Variants in SFXN4 observed in about 807,000 individuals in gnomAD.
SFXN4 encodes the protein sideroflexin 4.
SFXN4 carries 48 observed loss-of-function variants against 54.6 expected under a neutral mutation model. The observed-to-expected ratio is 0.88, with a 90% confidence interval of 0.70 to 1.12. The LOEUF is 1.12. SFXN4 is among the 50% of genes most tolerant of loss of function. The pLI, the probability that SFXN4 is intolerant of heterozygous loss-of-function variation, is 0.00. For missense variants in SFXN4, 383 were observed against 409.2 expected (o/e 0.94, Z 0.55); for synonymous variants, 130 against 145.5 (o/e 0.89, Z 0.77).
At position 119,146,428 on chromosome 10, in the gene SFXN4, C is replaced by CGTGTGTGTGT. The variant is rs56031432; in HGVS notation, c.819-85_819-76dup. ...TATTTTCTGAACAGCTGAATCAGGG[C>CGTGTGTGTGT]GTGTGTGTGTGTGTGTGTGTGTGTG... On this transcript the variant is annotated intron_variant, in intron 12 of 13. Transcript: ENST00000355697. 112 of 559,674 alleles carry CGTGTGTGTGT rather than the reference C, an allele frequency of 2.0e-4. 2 individuals carry two copies. In the African/African-American group the frequency reaches 2.0e-3, roughly 10 times the overall value. 34.7% of individuals were successfully genotyped at this position (559,674 alleles called of 1,614,324 possible). A position where few individuals can be genotyped will look rare whatever the true frequency, so the allele number is the denominator to read the frequency against.
At chr10:119,159,864 G>T in intron 5 of SFXN4, 111 bp from the exon 6 acceptor site, 1 of 1,101,312 alleles carries the variant, frequency 9.1e-7, no homozygotes, top group Non-Finnish European at 1.4e-6. Context: ...AGAAGGCACA[G>T]ACCTCAAAGG....
intron 11 of SFXN4, 28 bp downstream of exon 11, chr10:119,155,023 CCAAAAGGCAAG>C: frequency 6.9e-7 from 1 of 1,446,068 alleles, no homozygotes; most frequent in Non-Finnish European, 9.7e-7. Flanking sequence ...TAGTCGTTGC[CCAAAAGGCAAG>C]CAGCTATAGC....
Position 119,146,464 on chromosome 10 carries a change from C to CGCGCGCGCGCGCGCGCGCGT in SFXN4, c.819-112_819-111insACGCGCGCGCGCGCGCGCGC, listed in dbSNP as rs1554885843. ...GTGTGTGTGTGTGTGTGTGTGTGCA[C>CGCGCGCGCGCGCGCGCGCGT]GTGTGTGTGTACCTGAACACCTGGA... is the stretch of plus-strand genomic sequence containing the variant. On this transcript the variant is annotated intron_variant, in intron 12 of 13. Coordinates refer to ENST00000355697, the MANE Select transcript of SFXN4 (RefSeq NM_213649.2). 2.0e-5 allele frequency: 10 copies of CGCGCGCGCGCGCGCGCGCGT among 488,454 alleles called. No individual in the cohort carries two copies. The Admixed American group carries it at 3.2e-4, about 15-fold the overall frequency. The allele number at this position is 488,454 out of a possible 1,614,324, so 30.3% of individuals were successfully genotyped here.
intron 2 of SFXN4, 82 bp downstream of exon 2, chr10:119,164,040 CAAAAAAAAA>C (rs368539311): frequency 6.8e-5 from 21 of 309,804 alleles, no homozygotes; most frequent in African/African-American, 1.8e-4. Flanking sequence ...AACTCCGTCT[CAAAAAAAAA>C]AAAAAAAAAA....
intron 11 of SFXN4, among the ~76,000 whole-genome samples, chr10:119,154,177 C>CAAA (rs575293435): frequency 1.0e-5 from 1 of 98,704 alleles, no homozygotes. Context: ...GACTCCGTCT[C>CAAA]AAAAAAAAAA....
At chr10:119,155,257 G>GC in intron 10 of SFXN4, 80 bp from the exon 11 acceptor site, 2 of 973,300 alleles carry the variant, frequency 2.1e-6, no homozygotes, top group Non-Finnish European at 3.3e-6. Context: ...TTGGGTGTCT[G>GC]CCCCCTGCAA....
chr10:119,142,222 A>C (rs1396266448), intron 13 of SFXN4, among the ~76,000 whole-genome samples: 1 of 152,034 alleles, frequency 6.6e-6, no homozygotes, highest in East Asian at 1.9e-4. Flanking sequence ...ACAAACAAAA[A>C]ACAAATGTAG....
intron 11 of SFXN4, among the ~76,000 whole-genome samples, chr10:119,151,641 G>C (rs1487017266): frequency 6.6e-6 from 1 of 151,440 alleles, no homozygotes; most frequent in Non-Finnish European, 1.5e-5. Context: ...TCAACCTCCT[G>C]AGTAGCTGGG....
intron 12 of SFXN4, among the ~76,000 whole-genome samples, chr10:119,147,311 C>T (rs188581194): frequency 1.3e-5 from 2 of 152,346 alleles, no homozygotes; most frequent in East Asian, 3.9e-4. Context: ...CACAGGAACC[C>T]TGATGGATGC....
chr10:119,164,040 C>CAAAAAAA (rs368539311), intron 2 of SFXN4, 91 bp downstream of exon 2: 8 of 309,810 alleles, frequency 2.6e-5, no homozygotes, highest in East Asian at 9.9e-5. Flanking sequence ...AACTCCGTCT[C>CAAAAAAA]AAAAAAAAAA....
In SFXN4 at chr10:119,147,798, T is replaced by A. The variant is rs138723395; in HGVS notation, c.795A>T (p.Glu265Asp). 1.4e-5 allele frequency: 23 copies of A among 1,613,996 alleles called. No individual in the cohort carries two copies. The highest frequency in any genetic ancestry group is 2.7e-5 in the African/African-American group (2 of 74,936). Reference protein sequence around the residue: ...VLFGTSALIPEVFTYFFKRTQ... With the variant: ...VLFGTSALIPDVFTYFFKRTQ... ...ACCTTTTAAAAAAGTAGGTGAAGACTTCAGGAATCAGAGCTGAGGTCCCAA... is the reference window on the plus strand; with the variant it reads ...ACCTTTTAAAAAAGTAGGTGAAGACATCAGGAATCAGAGCTGAGGTCCCAA... Residue 265 changes from glutamate (E) to aspartate (D), a missense_variant, in exon 12 of 14, where the codon GAA becomes GAT. Transcript: ENST00000355697.
intron 6 of SFXN4, among the ~76,000 whole-genome samples, chr10:119,159,381 C>T (rs1382257582): frequency 6.6e-6 from 1 of 152,204 alleles, no homozygotes; most frequent in African/African-American, 2.4e-5. Context: ...GGGGCTGTGT[C>T]AGAGGAGGAC....
intron 13 of SFXN4, among the ~76,000 whole-genome samples, chr10:119,142,043 A>T (rs560776440): frequency 5.9e-5 from 9 of 152,196 alleles, no homozygotes; most frequent in Non-Finnish European, 1.2e-4. Context: ...CTCTACAAAA[A>T]ATAAAAAATT....
chr10:119,162,989 G>A (rs1394149171), intron 2 of SFXN4, among the ~76,000 whole-genome samples: 3 of 151,976 alleles, frequency 2.0e-5, no homozygotes, highest in Non-Finnish European at 4.4e-5. Flanking sequence ...GTACAGATAG[G>A]GTCTCGCTAC....
chr10:119,156,174 G>C (rs1056388964), intron 10 of SFXN4, among the ~76,000 whole-genome samples: 1 of 152,190 alleles, frequency 6.6e-6, no homozygotes, highest in South Asian at 2.1e-4. Flanking sequence ...TGTAATCCCA[G>C]CATTTTGGAA....
At chr10:119,164,040 CAAAA>C (rs368539311) in intron 2 of SFXN4, 87 bp downstream of exon 2, 4,381 of 304,294 alleles carry the variant, frequency 0.014, no homozygotes, top group East Asian at 0.02. Context: ...AACTCCGTCT[CAAAA>C]AAAAAAAAAA....
At chr10:119,149,622 C>T (rs374686507) in intron 11 of SFXN4, among the ~76,000 whole-genome samples, 1 of 152,138 alleles carries the variant, frequency 6.6e-6, no homozygotes, top group African/African-American at 2.4e-5. Flanking sequence ...TGGTGGTGGG[C>T]GCCTGTAATC....
chr10:119,144,128 G>A (rs1372208945), intron 13 of SFXN4, among the ~76,000 whole-genome samples: 7 of 152,146 alleles, frequency 4.6e-5, no homozygotes, highest in African/African-American at 1.7e-4. Flanking sequence ...TATTTATAGT[G>A]ACAGAAATGA....
At chr10:119,159,626 G>A (rs1280210244) in intron 6 of SFXN4, 102 bp downstream of exon 6, 2 of 1,239,356 alleles carry the variant, frequency 1.6e-6, no homozygotes, top group Non-Finnish European at 2.4e-6. Context: ...AGGCAGTCAT[G>A]TGACAGGGGT....
Sources: allele counts gnomAD v4.1 joint callset (sites outside exome capture counted in the v4.1 genomes callset), GRCh38; gene constraint gnomAD v4.1.1; transcripts MANE v1.5; gene names NCBI Gene and HGNC (gene_info 2026-07-23, HGNC 2026-07-21).